Variants in EMSY observed in about 807,000 individuals in gnomAD.
EMSY encodes EMSY transcriptional repressor, BRCA2 interacting.
A neutral mutation model predicts 134.6 loss-of-function variants in EMSY; 26 were observed. The observed-to-expected ratio is 0.19, with a 90% CI of 0.14 to 0.27. EMSY has a LOEUF of 0.27. EMSY is among the 10% of genes least tolerant of loss of function. The probability of loss-of-function intolerance (pLI) is 1.00; values close to 1 mark genes in which losing one functional copy is unlikely to be tolerated. For synonymous variants in EMSY, 579 were observed against 577.8 expected, an observed-to-expected ratio of 1.00 and a Z score of -0.03; for missense variants, 1,305 against 1,611.4, an observed-to-expected ratio of 0.81 and a Z score of 3.26.
intron 4 of EMSY, among the ~76,000 whole-genome samples, chr11:76,456,167 A>C (rs1429635284): frequency 6.6e-6 from 1 of 152,326 alleles, no homozygotes; most frequent in Non-Finnish European, 1.5e-5. Flanking sequence ...AATCTAGTTT[A>C]GATAACTTGT....
exon 20 of EMSY, chr11:76,546,178 T>C (rs1235648486): frequency 1.2e-6 from 2 of 1,614,064 alleles, no homozygotes; most frequent in Non-Finnish European, 1.7e-6. Flanking sequence ...CACTGTTGGC[T>C]CTTCCCTAAC....
chr11:76,525,854 A>G (rs886420171), intron 12 of EMSY, among the ~76,000 whole-genome samples: 3 of 152,202 alleles, frequency 2.0e-5, no homozygotes, highest in South Asian at 4.1e-4. Flanking sequence ...ATGTTCATCA[A>G]ATTTTTCCTA....
intron 8 of EMSY, among the ~76,000 whole-genome samples, chr11:76,493,039 G>A (rs1259845170): frequency 1.3e-5 from 2 of 152,096 alleles, no homozygotes; most frequent in African/African-American, 4.8e-5. Flanking sequence ...CTGGGCATCC[G>A]TGTGCTCTCA....
At chr11:76,445,855 A>C (rs1048361569) in intron 1 of EMSY, among the ~76,000 whole-genome samples, 13 of 151,638 alleles carry the variant, frequency 8.6e-5, no homozygotes, top group Non-Finnish European at 1.9e-4. Context: ...CCTTTTCTTT[A>C]TGTCATACTG....
intron 8 of EMSY, among the ~76,000 whole-genome samples, chr11:76,490,507 G>A (rs1193836529): frequency 6.6e-6 from 1 of 152,178 alleles, no homozygotes; most frequent in Non-Finnish European, 1.5e-5. Context: ...ATTTATAACA[G>A]TCTACCTTGA....
chr11:76,461,076 T>C (rs1193578849), intron 6 of EMSY: 3 of 152,122 alleles, frequency 2.0e-5, no homozygotes, highest in African/African-American at 4.8e-5. Flanking sequence ...GAGGATCTTA[T>C]GCTGCTTCAA....
intron 9 of EMSY, among the ~76,000 whole-genome samples, chr11:76,503,300 CAAAAAA>C (rs61098325): frequency 1.4e-5 from 1 of 70,796 alleles, no homozygotes; most frequent in South Asian, 6.5e-4. Context: ...GGCGTGGTCT[CAAAAAA>C]AAAAAAAAAA....
chr11:76,479,128 C>T (rs949611312), intron 8 of EMSY, among the ~76,000 whole-genome samples: 2 of 151,990 alleles, frequency 1.3e-5, no homozygotes, highest in African/African-American at 2.4e-5. Flanking sequence ...ATAATTTTGG[C>T]GATTAAAGAA....
chr11:76,463,709 C>T, intron 6 of EMSY, 112 bp from the exon 8 acceptor site: 1 of 1,174,300 alleles, frequency 8.5e-7, no homozygotes, highest in East Asian at 2.4e-5. Context: ...AACTTATTGG[C>T]TAATGGCTTA....
At chr11:76,453,965 G>A (rs1252103011) in intron 4 of EMSY, 1 of 152,142 alleles carries the variant, frequency 6.6e-6, no homozygotes, top group Admixed American at 6.5e-5. Context: ...TTTAAGAGGA[G>A]GGGTGGAGGG....
At chr11:76,516,284 C>T (rs1259219635) in exon 11 of EMSY, 13 of 1,609,534 alleles carry the variant, frequency 8.1e-6, no homozygotes, top group African/African-American at 1.3e-5. Flanking sequence ...CCTTGGGGGG[C>T]AAGATAATTA....
At chr11:76,526,355 C>T in intron 12 of EMSY, 107 bp from the exon 14 acceptor site, 1 of 711,662 alleles carries the variant, frequency 1.4e-6, no homozygotes, top group Non-Finnish European at 2.1e-6. Flanking sequence ...ACATAATCTA[C>T]AGCCCTTTTT....
chr11:76,494,549 TATTCAGG>T (rs1949550111), intron 8 of EMSY, among the ~76,000 whole-genome samples: 1 of 152,160 alleles, frequency 6.6e-6, no homozygotes, highest in Non-Finnish European at 1.5e-5. Flanking sequence ...ATGTTACTAG[TATTCAGG>T]AAGGAGTGGG....
intron 11 of EMSY, 147 bp downstream of exon 12, chr11:76,516,459 A>C (rs765948897): frequency 2.0e-6 from 1 of 510,318 alleles, no homozygotes; most frequent in Non-Finnish European, 3.2e-6. Flanking sequence ...TCATGATTAA[A>C]TAAAGTTTTT....
At chr11:76,511,094 A>G (rs939371466) in intron 9 of EMSY, among the ~76,000 whole-genome samples, 1 of 148,332 alleles carries the variant, frequency 6.7e-6, no homozygotes, top group Non-Finnish European at 1.5e-5. Context: ...CAATATTTGG[A>G]ATGGCTTTAA....
chr11:76,460,053 T>G, exon 6 of EMSY: 1 of 1,614,204 alleles, frequency 6.2e-7, no homozygotes, highest in Non-Finnish European at 8.5e-7. Context: ...AATGTAGTTG[T>G]CTTGCCAAGT....
At chr11:76,514,793 T>C (rs1318715901) in intron 10 of EMSY, among the ~76,000 whole-genome samples, 1 of 152,174 alleles carries the variant, frequency 6.6e-6, no homozygotes, top group African/African-American at 2.4e-5. Context: ...TTCTACCTTC[T>C]GTCTCTATGC....
chr11:76,485,942 A>T (rs1010701629), intron 8 of EMSY, among the ~76,000 whole-genome samples: 2 of 152,202 alleles, frequency 1.3e-5, no homozygotes, highest in African/African-American at 4.8e-5. Context: ...CTATAAAGAC[A>T]CATGCACATG....
chr11:76,527,784 AAAAAG>A (rs1324234902), intron 13 of EMSY, among the ~76,000 whole-genome samples: 1 of 151,968 alleles, frequency 6.6e-6, no homozygotes, highest in Non-Finnish European at 1.5e-5. Context: ...AATGAAAAAA[AAAAAG>A]AAAAGAAAAA....
Sources: gnomAD v4.1 joint callset for allele counts (sites outside exome capture counted in the v4.1 genomes callset) on GRCh38, gnomAD v4.1.1 for gene constraint, MANE v1.5 for transcripts, NCBI Gene and HGNC (gene_info 2026-07-23, HGNC 2026-07-21) for gene names.